The following ABCB4 variants were observed in gnomAD, a reference collection of about 807,000 sequenced individuals.
The protein encoded by ABCB4 is ATP binding cassette subfamily B member 4.
ABCB4 carries 76 observed loss-of-function variants against 145.7 expected under a neutral mutation model. That is an observed-to-expected ratio of 0.52 (90% CI 0.43 to 0.63). ABCB4 has a LOEUF of 0.63. Ranked by LOEUF, ABCB4 falls within the 30% of genes least tolerant of loss-of-function variation. The pLI is 0.00. For missense variants in ABCB4, 1,234 were observed against 1,553.1 expected, an observed-to-expected ratio of 0.79 and a Z score of 3.45; for synonymous variants, 517 against 566.8, an observed-to-expected ratio of 0.91 and a Z score of 1.25.
chr7:87,467,136 T>C (rs1459843400), intron 3 of ABCB4, among the ~76,000 whole-genome samples: 1 of 145,038 alleles, frequency 6.9e-6, no homozygotes, highest in Non-Finnish European at 1.6e-5. Flanking sequence ...CCCATCAGTG[T>C]GCTGTATTCA....
intron 23 of ABCB4, among the ~76,000 whole-genome samples, chr7:87,410,436 G>T (rs1295292907): frequency 6.6e-6 from 1 of 152,132 alleles, no homozygotes; most frequent in African/African-American, 2.4e-5. Context: ...TTTTAAAATA[G>T]TGATGAACAA....
At chr7:87,465,804 C>T (rs911921202) in intron 3 of ABCB4, among the ~76,000 whole-genome samples, 1 of 152,164 alleles carries the variant, frequency 6.6e-6, no homozygotes, top group African/African-American at 2.4e-5. Flanking sequence ...TGGAGTGGAC[C>T]TCCAGCAAAC....
At chr7:87,369,176 G>T in the ABCB4 span, among the ~76,000 whole-genome samples, 9 of 152,254 alleles carry the variant, frequency 5.9e-5, no homozygotes, top group South Asian at 1.9e-3. Flanking sequence ...GTCTCACATG[G>T]AACAAGTGTC....
intron 4 of ABCB4, among the ~76,000 whole-genome samples, chr7:87,456,845 C>T (rs1812133991): frequency 6.6e-6 from 1 of 152,028 alleles, no homozygotes; most frequent in African/African-American, 2.4e-5. Flanking sequence ...CTCAGAGTTT[C>T]TGCTGCCTGG....
chr7:87,465,076 G>A (rs1175804218), intron 3 of ABCB4, among the ~76,000 whole-genome samples: 1 of 152,210 alleles, frequency 6.6e-6, no homozygotes, highest in Non-Finnish European at 1.5e-5. Flanking sequence ...GCAGGGGGAA[G>A]CATCCCCTCA....
the ABCB4 span, chr7:87,369,415 G>A: frequency 6.2e-7 from 1 of 1,613,166 alleles, no homozygotes; most frequent in Non-Finnish European, 8.5e-7. Flanking sequence ...GTAGTGCTGT[G>A]TCGAGGCCGA....
chr7:87,401,990 C>T lies in ABCB4; in HGVS notation c.*106G>A, dbSNP rs1807814297. The T allele has an allele frequency of 1.4e-6, 2 of 1,449,002 alleles. No homozygotes were observed. Among genetic ancestry groups the T allele is most frequent in the East Asian group, 2.5e-5 (1 of 40,660 alleles). The allele number at this position is 1,449,002 out of a possible 1,614,324, so 89.8% of individuals were successfully genotyped here. A position where few individuals can be genotyped will look rare whatever the true frequency, so the allele number is the denominator to read the frequency against. On this transcript the variant is annotated 3_prime_UTR_variant, in exon 28 of 28. Transcript: ENST00000649586. ...TCTTCTAAATTGATCTAGAATGAGA[C>T]AGACATACCTATGTTTTATGATGAC...
chr7:87,428,143 G>A (rs894503340), intron 15 of ABCB4, among the ~76,000 whole-genome samples: 6 of 152,044 alleles, frequency 3.9e-5, no homozygotes, highest in East Asian at 1.9e-4. Flanking sequence ...GCTATCAAGA[G>A]GTCCATCTCA....
Position 87,422,108 on chromosome 7 carries a change from C to A in ABCB4, c.2316+13G>T. 1.3e-6 allele frequency: 2 copies of A among 1,559,746 alleles called. No individual in the cohort carries two copies. The highest frequency in any genetic ancestry group is 1.1e-5 in the South Asian group (1 of 88,508). ...TATAAACTTGATGAGAAAGGCAAAT[C>A]ATGGGTACCTACCTGAAGGAAGAAA... is the stretch of plus-strand genomic sequence containing the variant. On this transcript the variant is annotated intron_variant, in intron 18 of 27. Transcript: ENST00000649586.
At chr7:87,387,088 G>T in the ABCB4 span, among the ~76,000 whole-genome samples, 2 of 151,772 alleles carry the variant, frequency 1.3e-5, no homozygotes, top group Non-Finnish European at 2.9e-5. Context: ...CCTTCTGCTT[G>T]AAGTTTTTTG....
chr7:87,464,869 T>A (rs1189841949), intron 3 of ABCB4, among the ~76,000 whole-genome samples: 1 of 152,224 alleles, frequency 6.6e-6, no homozygotes, highest in Non-Finnish European at 1.5e-5. Flanking sequence ...ATTTAAAACC[T>A]ATGCATTAAA....
chr7:87,396,322 G>A, the ABCB4 span, among the ~76,000 whole-genome samples: 1 of 152,158 alleles, frequency 6.6e-6, no homozygotes, highest in African/African-American at 2.4e-5. Context: ...ATTAACAGAA[G>A]GTGACTTGAA....
In ABCB4 at chr7:87,462,904, C is replaced by T. The variant is rs372685632; in HGVS notation, c.140G>A (p.Arg47Gln). ...VKMIGVLTLF[R>Q]YSDWQDKLFM... The stretch of plus-strand genomic sequence containing the variant: ...CAATTTATCCTGCCAATCGGAGTAT[C>T]GAAACTAAAAAAAGGAAATAAAATA... The change falls in exon 4 of 28, where the codon CGA becomes CAA. Residue 47 changes from arginine (R) to glutamine (Q), a missense_variant. By Grantham distance (43) the Arg-to-Gln change is conservative. Around this residue, in one of 7 missense-constraint regions of ABCB4, gnomAD observed 77 missense variants for 73.3 expected, o/e 1.05. Coordinates refer to ENST00000649586, the MANE Select transcript of ABCB4 (RefSeq NM_000443.4). 123 of 1,612,680 alleles carry T rather than the reference C, an allele frequency of 7.6e-5. No individual in the cohort carries two copies. The highest frequency in any genetic ancestry group is 6.6e-4 in the Middle Eastern group (4 of 6,080).
At chr7:87,369,440 T>A in the ABCB4 span, 8 of 1,613,292 alleles carry the variant, frequency 5.0e-6, no homozygotes, top group Admixed American at 1.7e-5. Context: ...TTGTCTTTGA[T>A]GTAATACATG....
the ABCB4 span, among the ~76,000 whole-genome samples, chr7:87,388,327 A>C: frequency 6.6e-6 from 1 of 152,170 alleles, no homozygotes; most frequent in African/African-American, 2.4e-5. Flanking sequence ...AAACAATCCT[A>C]AGCAAAAAGA....
At chr7:87,398,199 G>C, downstream of ABCB4, 1 of 464,870 alleles carries the variant, frequency 2.2e-6, no homozygotes, top group Non-Finnish European at 4.1e-6. Context: ...ACTCATTCCA[G>C]TAGCACTTTA....
At chr7:87,437,698 T>C (rs1810702238) in intron 14 of ABCB4, among the ~76,000 whole-genome samples, 1 of 152,178 alleles carries the variant, frequency 6.6e-6, no homozygotes, top group African/African-American at 2.4e-5. Context: ...ACTTCAGAGA[T>C]GTCTCAGGCT....
rs370809828 is a variant in ABCB4 at position 87,455,338 on chromosome 7, T to A, written c.287-746A>T. On this transcript the variant is annotated intron_variant, in intron 4 of 27. Coordinates refer to ENST00000649586, the MANE Select transcript of ABCB4 (RefSeq NM_000443.4). ...CAATGTATCTTTCCTGATTTCCATG[T>A]TTTAATAATAGCTAATGTTTATTGA... Among the ~76,000 whole-genome samples, 3 of 152,258 alleles carry A rather than the reference T, an allele frequency of 2.0e-5. No individual in the cohort carries two copies. The South Asian group carries it at 6.2e-4, about 31-fold the overall frequency.
At chr7:87,367,908 C>T in the ABCB4 span, among the ~76,000 whole-genome samples, 1 of 152,226 alleles carries the variant, frequency 6.6e-6, no homozygotes, top group African/African-American at 2.4e-5. Flanking sequence ...GGCATACCTT[C>T]TCTTCACCCT....
Sources: gnomAD v4.1 joint callset for allele counts (sites outside exome capture counted in the v4.1 genomes callset) on GRCh38, gnomAD v4.1.1 for gene constraint, gnomAD v4.1.1 regional missense constraint, MANE v1.5 for transcripts, NCBI Gene and HGNC (gene_info 2026-07-23, HGNC 2026-07-21) for gene names.